The following PLCB4 variants were observed in gnomAD, a reference collection of about 807,000 sequenced individuals.
The protein encoded by PLCB4 is 1-phosphatidylinositol 4,5-bisphosphate phosphodiesterase beta-4.
Under a neutral mutation model 178.8 loss-of-function variants are expected in PLCB4, and 77 were observed. The ratio of observed to expected loss-of-function variants is 0.43; its 90% CI spans 0.36 to 0.52. PLCB4 has a LOEUF of 0.52. PLCB4 is among the 20% of genes least tolerant of loss of function. The pLI is 0.00. For missense variants in PLCB4, 1,024 were observed against 1,453.4 expected, an observed-to-expected ratio of 0.70 and a Z score of 4.80; for synonymous variants, 496 against 490.8, an observed-to-expected ratio of 1.01 and a Z score of -0.14.
chr20:9,419,777 T>C (rs757016736), intron 25 of PLCB4, 30 bp from the exon 26 acceptor site: 1 of 1,367,400 alleles, frequency 7.3e-7, no homozygotes, highest in Non-Finnish European at 1.0e-6. Flanking sequence ...TAAAACCTAC[T>C]AATAAACTTC....
At chr20:9,390,063 G>T in intron 16 of PLCB4, 105 bp downstream of exon 16, 2 of 656,510 alleles carry the variant, frequency 3.0e-6, no homozygotes, top group South Asian at 4.1e-5. Context: ...AGTTTGTTTT[G>T]TGAAGTACTA....
chr20:9,390,158 C>T (rs147726699), intron 16 of PLCB4, among the ~76,000 whole-genome samples, 200 bp downstream of exon 16: 2 of 152,242 alleles, frequency 1.3e-5, no homozygotes, highest in African/African-American at 2.4e-5. Flanking sequence ...AAAAAACCAC[C>T]CTTGTCCCCC....
intron 1 of PLCB4, among the ~76,000 whole-genome samples, chr20:9,091,861 G>A (rs889484343): frequency 2.0e-5 from 3 of 151,788 alleles, no homozygotes; most frequent in Non-Finnish European, 4.4e-5. Context: ...TTTTCATAAA[G>A]TCTCTTGGAA....
At chr20:9,155,790 T>C (rs1278512973) in intron 2 of PLCB4, among the ~76,000 whole-genome samples, 1 of 152,128 alleles carries the variant, frequency 6.6e-6, no homozygotes, top group Non-Finnish European at 1.5e-5. Context: ...TTGTGCTCTG[T>C]AGCTAAACTC....
intron 2 of PLCB4, among the ~76,000 whole-genome samples, chr20:9,193,311 A>G (rs531963125): frequency 1.7e-4 from 26 of 152,342 alleles, no homozygotes; most frequent in Admixed American, 1.6e-3. Flanking sequence ...AACTACAACT[A>G]TGTGCAACTA....
chr20:9,078,803 G>T lies in PLCB4; in HGVS notation c.-135+9597G>T, dbSNP rs138430680. On this transcript the variant is annotated intron_variant, in intron 1 of 39. Transcript: ENST00000378473. The stretch of plus-strand genomic sequence containing the variant: ...TAATGATATGAAGTAAATTATTTGT[G>T]AATTTTACCACATTCCTTGAAAGAC... Among the ~76,000 whole-genome samples the T allele has an allele frequency of 5.7e-3, 865 of 152,300 alleles. 8 individuals carry two copies. Among genetic ancestry groups the T allele is most frequent in the African/African-American group, 0.02 (828 of 41,570 alleles).
At chr20:9,223,824 T>C (rs1304466266) in intron 3 of PLCB4, among the ~76,000 whole-genome samples, 1 of 152,238 alleles carries the variant, frequency 6.6e-6, no homozygotes, top group Non-Finnish European at 1.5e-5. Flanking sequence ...TGTTAAGTAC[T>C]GAATTTTATA....
chr20:9,072,358 C>T (rs186929628), intron 1 of PLCB4, among the ~76,000 whole-genome samples: 1 of 151,592 alleles, frequency 6.6e-6, no homozygotes, highest in African/African-American at 2.4e-5. Context: ...TTGATAAAGC[C>T]TCACCCTTTA....
chr20:9,354,740 G>A (rs1454235260), intron 7 of PLCB4, among the ~76,000 whole-genome samples: 2 of 152,222 alleles, frequency 1.3e-5, no homozygotes, highest in Non-Finnish European at 2.9e-5. Flanking sequence ...TAGGGCACAG[G>A]AATCTGGCAA....
intron 7 of PLCB4, among the ~76,000 whole-genome samples, chr20:9,351,042 TA>T (rs1026332868): frequency 6.6e-6 from 1 of 152,144 alleles, no homozygotes; most frequent in African/African-American, 2.4e-5. Context: ...AAGGATTCCT[TA>T]AAAAAGTCCA....
At chr20:9,335,667 G>A (rs2032348388) in intron 4 of PLCB4, among the ~76,000 whole-genome samples, 1 of 152,168 alleles carries the variant, frequency 6.6e-6, no homozygotes, top group Non-Finnish European at 1.5e-5. Context: ...CAAAAGGTAG[G>A]TGGAACTACT....
intron 17 of PLCB4, among the ~76,000 whole-genome samples, chr20:9,391,437 A>G (rs2038134818): frequency 6.6e-6 from 1 of 152,196 alleles, no homozygotes. Context: ...TGATGGGCTC[A>G]AACCTGGTAG....
chr20:9,226,124 G>A (rs1447322042), intron 3 of PLCB4, among the ~76,000 whole-genome samples: 6 of 152,178 alleles, frequency 3.9e-5, no homozygotes, highest in Non-Finnish European at 8.8e-5. Flanking sequence ...CAGAGGCACT[G>A]CTGGTAAAAG....
chr20:9,473,947 G>A (rs1346707167), intron 38 of PLCB4, among the ~76,000 whole-genome samples: 1 of 152,196 alleles, frequency 6.6e-6, no homozygotes, highest in Non-Finnish European at 1.5e-5. Context: ...GCCGGGCGCA[G>A]TGGGCTCATG....
intron 2 of PLCB4, among the ~76,000 whole-genome samples, chr20:9,190,686 G>T (rs2093390741): frequency 6.6e-6 from 1 of 152,208 alleles, no homozygotes; most frequent in Non-Finnish European, 1.5e-5. Context: ...CTACGAGGAT[G>T]TGGGCCTGGG....
intron 9 of PLCB4, 126 bp from the exon 10 acceptor site, chr20:9,371,088 A>G: frequency 1.5e-6 from 1 of 681,110 alleles, no homozygotes; most frequent in South Asian, 1.7e-5. Context: ...CTGCAATGAG[A>G]GGTAATTTTA....
At chr20:9,161,954 T>C (rs942787045) in intron 2 of PLCB4, among the ~76,000 whole-genome samples, 1 of 152,184 alleles carries the variant, frequency 6.6e-6, no homozygotes, top group Admixed American at 6.5e-5. Context: ...TCACTGATAC[T>C]ATAATAGATG....
At position 9,154,232 on chromosome 20, in the gene PLCB4, T is replaced by A. The variant is rs1456492976; in HGVS notation, c.-79+57890T>A. 6.8e-4 allele frequency among the ~76,000 whole-genome samples: 104 copies of A among 152,300 alleles called. 1 individual carries two copies. The highest frequency in any genetic ancestry group is 2.2e-3 in the African/African-American group (92 of 41,564). On this transcript the variant is annotated intron_variant, in intron 2 of 39. Coordinates refer to ENST00000378473, the MANE Select transcript of PLCB4 (RefSeq NM_001377142.1). The stretch of plus-strand genomic sequence containing the variant: ...TGTCATCTTACTCTTAAGTTCCATA[T>A]AACACTTTAAAAAAATTTTTCTTGA...
chr20:9,459,171 C>T (rs1346515343), intron 34 of PLCB4, among the ~76,000 whole-genome samples: 2 of 152,106 alleles, frequency 1.3e-5, no homozygotes, highest in Non-Finnish European at 2.9e-5. Context: ...TGGTGAAACC[C>T]TGTCTCTAGT....
Sources: gnomAD v4.1 joint callset for allele counts (sites outside exome capture counted in the v4.1 genomes callset) on GRCh38, gnomAD v4.1.1 for gene constraint, MANE v1.5 for transcripts, NCBI Gene and HGNC (gene_info 2026-07-23, HGNC 2026-07-21) for gene names.